Variants in NUTM2G observed in about 807,000 individuals in gnomAD.
NUTM2G encodes family with sequence similarity 22, member G.
Under a neutral mutation model 44.3 loss-of-function variants are expected in NUTM2G, and 29 were observed. The ratio of observed to expected loss-of-function variants is 0.66; its 90% CI spans 0.49 to 0.89. The LOEUF (loss-of-function observed/expected upper bound fraction) is 0.89. Among genes scored for constraint, NUTM2G ranks in the 40% least tolerant of loss-of-function variants. NUTM2G has a pLI of 0.00. For missense variants in NUTM2G, 502 were observed against 946.5 expected, an observed-to-expected ratio of 0.53 and a Z score of 6.16; for synonymous variants, 205 against 395.9, an observed-to-expected ratio of 0.52 and a Z score of 5.72.
At chr9:96,930,574 A>G (rs1453407505) in intron 1 of NUTM2G, among the ~76,000 whole-genome samples, 1 of 148,220 alleles carries the variant, frequency 6.7e-6, no homozygotes, top group Non-Finnish European at 1.5e-5. Context: ...CTCCCCTGAT[A>G]GCCCTGCTGC....
At chr9:96,936,289 G>A in intron 3 of NUTM2G, 136 bp from the exon 4 acceptor site, 2 of 1,472,272 alleles carry the variant, frequency 1.4e-6, no homozygotes, top group African/African-American at 1.4e-5. Flanking sequence ...TCCTGGGACT[G>A]GGGGATGGGT....
At chr9:96,937,854 G>C in intron 5 of NUTM2G, 31 bp from the exon 6 acceptor site, 2 of 1,603,938 alleles carry the variant, frequency 1.2e-6, no homozygotes. Context: ...CCCTCCCCAG[G>C]AAGTTCACAC....
chr9:96,935,675 G>A (rs1360421843), intron 3 of NUTM2G, among the ~76,000 whole-genome samples: 1 of 152,074 alleles, frequency 6.6e-6, no homozygotes, highest in Non-Finnish European at 1.5e-5. Flanking sequence ...TGCCTGGCCT[G>A]GGGCCAACCG....
chr9:96,929,162 C>T (rs1420850327), intron 1 of NUTM2G, 122 bp downstream of exon 1: 1 of 1,515,296 alleles, frequency 6.6e-7, no homozygotes, highest in Non-Finnish European at 9.1e-7. Context: ...CTGGATGTCC[C>T]CAAGGACATC....
intron 4 of NUTM2G, among the ~76,000 whole-genome samples, 162 bp downstream of exon 4, chr9:96,936,726 A>T (rs1826444004): frequency 6.6e-6 from 1 of 152,126 alleles, no homozygotes; most frequent in Non-Finnish European, 1.5e-5. Context: ...GTCAATACCT[A>T]CTTCATGGGT....
In NUTM2G at chr9:96,931,896, T is replaced by C. The variant is rs775057702; in HGVS notation, c.191T>C (p.Leu64Pro). Reference protein sequence around the residue: ...LVLSAFPSTPLVAGQDGRGPS... With the variant: ...LVLSAFPSTPPVAGQDGRGPS... The stretch of plus-strand genomic sequence containing the variant: ...CTCTCTGCCTTCCCCAGCACCCCTC[T>C]AGTGGCAGGACAGGATGGCCGCGGC... Residue 64 changes from leucine (L) to proline (P), a missense_variant, in exon 2 of 7, where the codon CTA (leucine) becomes CCA (proline). By Grantham distance (98) the Leu-to-Pro change is moderately conservative (BLOSUM62 -3). Coordinates refer to ENST00000372322, the MANE Select transcript of NUTM2G (RefSeq NM_001170741.3). The C allele has an allele frequency of 6.2e-6, 10 of 1,612,130 alleles. No homozygotes were observed. The highest frequency in any genetic ancestry group is 1.3e-5 in the African/African-American group (1 of 74,868).
chr9:96,935,788 G>T (rs1826411760), intron 3 of NUTM2G, among the ~76,000 whole-genome samples: 1 of 152,168 alleles, frequency 6.6e-6, no homozygotes, highest in African/African-American at 2.4e-5. Flanking sequence ...AGTGACTAAA[G>T]ACAGAGTGGG....
Position 96,935,450 on chromosome 9 carries a change from C to A in NUTM2G, c.836C>A (p.Ala279Glu). 1 of 1,612,002 alleles carries A rather than the reference C, an allele frequency of 6.2e-7. No individual in the cohort carries two copies. The highest frequency in any genetic ancestry group is 8.5e-7 in the Non-Finnish European group (1 of 1,179,852). Reference sequence around the variant, plus strand: ...GACCGGATGATTTTCTACGAGATGGCGGCAAAGTGAGTCTGGGGTCCTGGG... The same window carrying A: ...GACCGGATGATTTTCTACGAGATGGAGGCAAAGTGAGTCTGGGGTCCTGGG... ...NFDRMIFYEMAAKFLEFEAEE... is the reference protein window; with the variant it reads ...NFDRMIFYEMEAKFLEFEAEE... The change falls in exon 3 of 7, where the codon GCG becomes GAG. Residue 279 changes from alanine to glutamate, a missense_variant. Ala to Glu is a moderately radical substitution (Grantham distance 107, BLOSUM62 -1). Coordinates refer to ENST00000372322, the MANE Select transcript of NUTM2G (RefSeq NM_001170741.3).
chr9:96,935,129 G>A (rs182129297), intron 2 of NUTM2G, among the ~76,000 whole-genome samples, 199 bp from the exon 3 acceptor site: 1 of 152,176 alleles, frequency 6.6e-6, no homozygotes, highest in African/African-American at 2.4e-5. Flanking sequence ...AGGGGCAGTC[G>A]GAGAGGCCAC....
intron 1 of NUTM2G, 126 bp downstream of exon 1, chr9:96,929,166 G>A (rs1487720913): frequency 1.3e-6 from 2 of 1,512,114 alleles, no homozygotes; most frequent in Non-Finnish European, 1.8e-6. Flanking sequence ...ATGTCCCCAA[G>A]GACATCACAC....
At chr9:96,929,709 T>C (rs1377625381) in intron 1 of NUTM2G, among the ~76,000 whole-genome samples, 1 of 151,524 alleles carries the variant, frequency 6.6e-6, no homozygotes, top group Non-Finnish European at 1.5e-5. Context: ...AGGGCCTGGG[T>C]TTCCTGAGTT....
intron 2 of NUTM2G, among the ~76,000 whole-genome samples, chr9:96,932,941 G>A (rs1196363224): frequency 1.3e-5 from 2 of 150,210 alleles, no homozygotes; most frequent in African/African-American, 4.9e-5. Flanking sequence ...GAGCCATCAT[G>A]CCCCGCCCCA....
chr9:96,942,740 G>C (rs551822998), downstream of NUTM2G: 10 of 149,672 alleles, frequency 6.7e-5, no homozygotes, highest in East Asian at 5.9e-4. Context: ...CACGTATACG[G>C]TATTTGCATA....
rs775056735 is a variant in NUTM2G at position 96,938,600 on chromosome 9, C to A, written c.1677C>A (p.Asp559Glu). 6 of 1,609,142 alleles carry A rather than the reference C, an allele frequency of 3.7e-6. No individual in the cohort carries two copies. In the African/African-American group the frequency reaches 4.2e-5, roughly 11 times the overall value. Reference protein sequence around the residue: ...RVRTGMARSEDPAVLLGCQDS... With the variant: ...RVRTGMARSEEPAVLLGCQDS... ...GCACTGGCATGGCCAGGTCCGAAGACCCTGCTGTGCTTTTGGGATGTCAGG... is the reference window on the plus strand; with the variant it reads ...GCACTGGCATGGCCAGGTCCGAAGAACCTGCTGTGCTTTTGGGATGTCAGG... The change falls in exon 7 of 7, where the codon GAC becomes GAA. Residue 559 changes from aspartate (D) to glutamate (E), a missense_variant. Asp to Glu is a conservative substitution (Grantham distance 45, BLOSUM62 2). Coordinates refer to ENST00000372322, the MANE Select transcript of NUTM2G (RefSeq NM_001170741.3).
rs201487837 is a variant in NUTM2G at position 96,931,741 on chromosome 9, C to A, written c.36C>A (p.Pro12=). 3 of 1,610,484 alleles carry A rather than the reference C, an allele frequency of 1.9e-6. No homozygotes were observed. Among genetic ancestry groups the A allele is most frequent in the Non-Finnish European group, 2.5e-6 (3 of 1,179,650 alleles). The change falls in exon 2 of 7, where the codon CCC becomes CCA. Residue 12 remains proline (P), a synonymous_variant. Transcript: ENST00000372322. ...CCACAGCATACCCAGTGCTGGGACC[C>A]GGCGTGACCGTGAACCCTGGCACCT... ...ASNGAYPVLG[P]GVTVNPGTSL...
At chr9:96,931,573 C>T in intron 1 of NUTM2G, 149 bp from the exon 2 acceptor site, 1 of 684,662 alleles carries the variant, frequency 1.5e-6, no homozygotes, top group Non-Finnish European at 2.5e-6. Flanking sequence ...CGTGGAGGAA[C>T]AGAGCATCTG....
intron 3 of NUTM2G, 109 bp downstream of exon 3, chr9:96,935,565 C>G: frequency 3.1e-6 from 5 of 1,601,296 alleles, no homozygotes; most frequent in Non-Finnish European, 4.3e-6. Context: ...AGGGTGTGGA[C>G]AAACACAGGA....
chr9:96,930,871 GGT>G (rs1564030361), intron 1 of NUTM2G, among the ~76,000 whole-genome samples: 14 of 104,448 alleles, frequency 1.3e-4, no homozygotes, highest in African/African-American at 3.7e-4. Context: ...TCCATCCAGT[GGT>G]TTTTTTTTTT....
rs555356996 is a variant in NUTM2G at position 96,930,741 on chromosome 9, G to A, written c.17-981G>A. Among the ~76,000 whole-genome samples the A allele has an allele frequency of 1.3e-3, 191 of 150,188 alleles. 1 individual carries two copies. Among genetic ancestry groups the A allele is most frequent in the Middle Eastern group, 3.5e-3 (1 of 288 alleles). On this transcript the variant is annotated intron_variant, in intron 1 of 6. Transcript: ENST00000372322. The stretch of plus-strand genomic sequence containing the variant: ...ACCACTGAGCACTGAGGAATGGGTG[G>A]CCTGAATCTGACCCCTATTTAACAC...
Sources: allele counts gnomAD v4.1 joint callset (sites outside exome capture counted in the v4.1 genomes callset), GRCh38; gene constraint gnomAD v4.1.1; transcripts MANE v1.5; gene names NCBI Gene and HGNC (gene_info 2026-07-23, HGNC 2026-07-21).